NDUFAF2: variants seen among roughly 807,000 people sequenced by gnomAD.
The protein encoded by NDUFAF2 is NADH:ubiquinone oxidoreductase complex assembly factor 2, also known as NADH dehydrogenase [ubiquinone] 1 alpha subcomplex assembly factor 2.
NDUFAF2 carries 13 observed loss-of-function variants against 22.8 expected under a neutral mutation model. The ratio of observed to expected loss-of-function variants is 0.57; its 90% CI spans 0.37 to 0.91. The LOEUF is 0.91. Ranked by LOEUF, NDUFAF2 falls within the 40% of genes least tolerant of loss-of-function variation. The pLI, the probability that NDUFAF2 is intolerant of heterozygous loss-of-function variation, is 0.01. For synonymous variants in NDUFAF2, 53 were observed against 64.2 expected, an observed-to-expected ratio of 0.83 and a Z score of 0.84; for missense variants, 162 against 195.2, an observed-to-expected ratio of 0.83 and a Z score of 1.01.
intron 2 of NDUFAF2, 43 bp from the exon 3 acceptor site, chr5:61,098,949 A>G: frequency 6.5e-7 from 1 of 1,539,820 alleles, no homozygotes; most frequent in Admixed American, 1.8e-5. Context: ...ATGTTTGTGT[A>G]AATTATGGGA....
At chr5:61,094,499 C>G (rs1249224868) in intron 2 of NDUFAF2, among the ~76,000 whole-genome samples, 1 of 152,202 alleles carries the variant, frequency 6.6e-6, no homozygotes, top group Non-Finnish European at 1.5e-5. Context: ...TTTCAGCCAT[C>G]TCAGCTTAAG....
intron 1 of NDUFAF2, among the ~76,000 whole-genome samples, chr5:61,027,334 G>T (rs1751663796): frequency 6.7e-6 from 1 of 149,640 alleles, no homozygotes. Context: ...ATTTTCTTTA[G>T]GTGTTAAATA....
intron 1 of NDUFAF2, among the ~76,000 whole-genome samples, chr5:60,996,643 A>G (rs1276836650): frequency 1.3e-5 from 2 of 152,128 alleles, no homozygotes; most frequent in Non-Finnish European, 2.9e-5. Context: ...GACTGCCTTC[A>G]AGCTTACTTG....
chr5:60,971,289 T>TC (rs1164251261), intron 1 of NDUFAF2, among the ~76,000 whole-genome samples: 7 of 151,080 alleles, frequency 4.6e-5, no homozygotes, highest in East Asian at 2.0e-4. Flanking sequence ...TTTCTTTCTT[T>TC]TTTTTTTTTC....
At chr5:60,972,700 C>T (rs1426868312) in intron 1 of NDUFAF2, among the ~76,000 whole-genome samples, 1 of 149,734 alleles carries the variant, frequency 6.7e-6, no homozygotes, top group Non-Finnish European at 1.5e-5. Flanking sequence ...CTTGATTTGT[C>T]AGCCAAGTTT....
intron 1 of NDUFAF2, among the ~76,000 whole-genome samples, chr5:61,000,694 T>A (rs962509482): frequency 5.9e-5 from 9 of 152,080 alleles, no homozygotes; most frequent in Non-Finnish European, 1.5e-5. Context: ...GCCCTGTAGA[T>A]GAGGAATTTT....
intron 3 of NDUFAF2, among the ~76,000 whole-genome samples, chr5:61,130,167 CT>C: frequency 6.6e-6 from 1 of 152,204 alleles, no homozygotes; most frequent in East Asian, 1.9e-4. Flanking sequence ...TTAACTGGTA[CT>C]TTTCAAGGAA....
At chr5:61,090,921 T>A (rs554878526) in intron 2 of NDUFAF2, among the ~76,000 whole-genome samples, 1 of 152,286 alleles carries the variant, frequency 6.6e-6, no homozygotes, top group South Asian at 2.1e-4. Flanking sequence ...CTCCCACTTA[T>A]AAGTGAGAAC....
chr5:60,945,834 T>A (rs767021259), intron 1 of NDUFAF2, among the ~76,000 whole-genome samples: 21 of 152,108 alleles, frequency 1.4e-4, no homozygotes, highest in Non-Finnish European at 2.5e-4. Context: ...AGCTGAGTGG[T>A]GTAATTGAAG....
chr5:61,110,772 T>C (rs973425981), intron 3 of NDUFAF2, among the ~76,000 whole-genome samples: 4 of 152,184 alleles, frequency 2.6e-5, no homozygotes, highest in Admixed American at 2.0e-4. Context: ...ACTTTTCTTG[T>C]TGTTGGTCTT....
chr5:60,948,907 G>A (rs1023844667), intron 1 of NDUFAF2, among the ~76,000 whole-genome samples: 2 of 152,128 alleles, frequency 1.3e-5, no homozygotes, highest in African/African-American at 4.8e-5. Flanking sequence ...TTCCCACCAG[G>A]AGTGTATGAG....
At chr5:61,026,258 G>A (rs1751648715) in intron 1 of NDUFAF2, among the ~76,000 whole-genome samples, 1 of 151,914 alleles carries the variant, frequency 6.6e-6, no homozygotes, top group South Asian at 2.1e-4. Context: ...GAGGAGGGGG[G>A]AGAAATGACA....
chr5:61,072,995 A>G, intron 1 of NDUFAF2, 130 bp from the exon 2 acceptor site: 1 of 649,606 alleles, frequency 1.5e-6, no homozygotes, highest in South Asian at 1.8e-5. Flanking sequence ...CAAAATGGAA[A>G]TCTATTCTCG....
intron 1 of NDUFAF2, among the ~76,000 whole-genome samples, chr5:60,997,854 T>G (rs1751247491): frequency 6.6e-6 from 1 of 152,192 alleles, no homozygotes; most frequent in Admixed American, 6.5e-5. Context: ...AATAGCTGAC[T>G]GTAAATGAGG....
chr5:61,152,120 G>A (rs973684790), intron 3 of NDUFAF2, among the ~76,000 whole-genome samples: 1 of 152,114 alleles, frequency 6.6e-6, no homozygotes, highest in African/African-American at 2.4e-5. Flanking sequence ...ATTTCCAATA[G>A]CAAAGAACCT....
At chr5:61,063,121 C>T (rs1263786298) in intron 1 of NDUFAF2, among the ~76,000 whole-genome samples, 4 of 152,006 alleles carry the variant, frequency 2.6e-5, no homozygotes, top group African/African-American at 9.7e-5. Context: ...AGTATAAAAA[C>T]CACTGGTAGA....
At chr5:61,080,026 G>C (rs1299349199) in intron 2 of NDUFAF2, among the ~76,000 whole-genome samples, 1 of 151,456 alleles carries the variant, frequency 6.6e-6, no homozygotes. Flanking sequence ...ATTTGTCCTT[G>C]TTGCTCCATC....
intron 3 of NDUFAF2, among the ~76,000 whole-genome samples, chr5:61,121,051 GT>G (rs1452152228): frequency 2.6e-5 from 4 of 151,956 alleles, no homozygotes; most frequent in African/African-American, 9.7e-5. Context: ...GATCACATTG[GT>G]GATAACCCCT....
At chr5:61,124,901 TC>T (rs1753017099) in intron 3 of NDUFAF2, among the ~76,000 whole-genome samples, 1 of 152,058 alleles carries the variant, frequency 6.6e-6, no homozygotes, top group East Asian at 1.9e-4. Context: ...TGGGGAGGCC[TC>T]AGGAAACTTA....
Sources: gnomAD v4.1 joint callset for allele counts (sites outside exome capture counted in the v4.1 genomes callset) on GRCh38, gnomAD v4.1.1 for gene constraint, MANE v1.5 for transcripts, NCBI Gene and HGNC (gene_info 2026-07-23, HGNC 2026-07-21) for gene names.